Variants in DPYD observed in about 807,000 individuals in gnomAD.
DPYD encodes the protein dihydropyrimidine dehydrogenase.
A neutral mutation model predicts 116.2 loss-of-function variants in DPYD; 109 were observed. That is an observed-to-expected ratio of 0.94 (90% CI 0.80 to 1.10). The LOEUF (loss-of-function observed/expected upper bound fraction) is 1.10. Ranked by LOEUF, DPYD falls within the 50% of genes least tolerant of loss-of-function variation. The probability of loss-of-function intolerance (pLI) is 0.00; values close to 1 mark genes in which losing one functional copy is unlikely to be tolerated. For synonymous variants in DPYD, 440 were observed against 432.0 expected, an observed-to-expected ratio of 1.02 and a Z score of -0.23; for missense variants, 1,302 against 1,254.5, an observed-to-expected ratio of 1.04 and a Z score of -0.57.
At chr1:97,808,247 C>T (rs764135827) in intron 3 of DPYD, among the ~76,000 whole-genome samples, 1 of 152,146 alleles carries the variant, frequency 6.6e-6, no homozygotes, top group Non-Finnish European at 1.5e-5. Flanking sequence ...TCCAGAAACA[C>T]AAAAGATGTT....
intron 20 of DPYD, among the ~76,000 whole-genome samples, chr1:97,142,906 T>A (rs1654336321): frequency 6.6e-6 from 1 of 152,072 alleles, no homozygotes; most frequent in African/African-American, 2.4e-5. Context: ...TCAAAAGCTA[T>A]TGCTTTCATT....
intron 3 of DPYD, among the ~76,000 whole-genome samples, chr1:97,760,296 ATCTC>A (rs1407740143): frequency 1.3e-5 from 2 of 152,066 alleles, no homozygotes; most frequent in African/African-American, 2.4e-5. Context: ...CCATATTTGA[ATCTC>A]TCTCTCACAC....
At chr1:97,814,961 A>G (rs1339988374) in intron 3 of DPYD, among the ~76,000 whole-genome samples, 1 of 149,990 alleles carries the variant, frequency 6.7e-6, no homozygotes, top group African/African-American at 2.5e-5. Flanking sequence ...AAGAAAGGAG[A>G]GAAAGAAAGA....
At chr1:97,783,673 T>A (rs968093715) in intron 3 of DPYD, among the ~76,000 whole-genome samples, 1 of 152,182 alleles carries the variant, frequency 6.6e-6, no homozygotes, top group African/African-American at 2.4e-5. Flanking sequence ...TTACAAGGTG[T>A]GAGCCACCAC....
intron 1 of DPYD, among the ~76,000 whole-genome samples, chr1:97,903,301 T>C (rs1366439836): frequency 6.6e-6 from 1 of 151,946 alleles, no homozygotes; most frequent in Non-Finnish European, 1.5e-5. Flanking sequence ...TTTTACTGAA[T>C]ATAATACATA....
At chr1:97,351,477 A>G (rs1670140441) in intron 16 of DPYD, among the ~76,000 whole-genome samples, 1 of 152,150 alleles carries the variant, frequency 6.6e-6, no homozygotes, top group African/African-American at 2.4e-5. Context: ...GAAAAGAAAA[A>G]AATAAATCAT....
chr1:97,542,541 T>A (rs1650525410), intron 12 of DPYD, among the ~76,000 whole-genome samples: 1 of 152,176 alleles, frequency 6.6e-6, no homozygotes, highest in African/African-American at 2.4e-5. Flanking sequence ...AAATTTTGTT[T>A]CTTGTTGTTT....
intron 13 of DPYD, among the ~76,000 whole-genome samples, chr1:97,461,567 A>G (rs1214968163): frequency 6.6e-6 from 1 of 152,210 alleles, no homozygotes; most frequent in Admixed American, 6.5e-5. Context: ...CCAAGAATCT[A>G]TGAAACTATT....
chr1:97,785,947 C>T (rs555956083), intron 3 of DPYD, among the ~76,000 whole-genome samples: 149 of 151,462 alleles, frequency 9.8e-4, no homozygotes, highest in Non-Finnish European at 1.3e-4. Flanking sequence ...CCTGCCTCGG[C>T]CTCCCAAAGT....
chr1:97,560,491 C>G (rs745324086), intron 11 of DPYD, among the ~76,000 whole-genome samples: 3 of 150,700 alleles, frequency 2.0e-5, no homozygotes, highest in Admixed American at 6.6e-5. Flanking sequence ...CTATTCTTCC[C>G]AGGTGTTTCA....
chr1:97,170,124 G>T (rs974196431), intron 20 of DPYD, among the ~76,000 whole-genome samples: 8 of 152,138 alleles, frequency 5.3e-5, no homozygotes, highest in African/African-American at 1.9e-4. Context: ...CCCACATACA[G>T]ATCTAGAATA....
At chr1:97,898,350 C>G (rs977562129) in intron 1 of DPYD, among the ~76,000 whole-genome samples, 9 of 151,836 alleles carry the variant, frequency 5.9e-5, no homozygotes, top group African/African-American at 2.2e-4. Flanking sequence ...CAAACTCTAG[C>G]TTCCTTGGTC....
intron 20 of DPYD, among the ~76,000 whole-genome samples, chr1:97,150,054 A>G (rs1273779499): frequency 6.6e-6 from 1 of 152,138 alleles, no homozygotes; most frequent in East Asian, 1.9e-4. Context: ...CTTGTGCCAC[A>G]AAGGCCGTCC....
intron 12 of DPYD, among the ~76,000 whole-genome samples, chr1:97,543,742 T>C (rs1396202073): frequency 6.6e-6 from 1 of 152,208 alleles, no homozygotes; most frequent in Non-Finnish European, 1.5e-5. Context: ...TAAATGTATT[T>C]AAGATAAATG....
chr1:97,792,777 T>C (rs575848061), intron 3 of DPYD, among the ~76,000 whole-genome samples: 1 of 152,066 alleles, frequency 6.6e-6, no homozygotes, highest in Non-Finnish European at 1.5e-5. Context: ...ACTCTAATCA[T>C]GAGGAAAACA....
chr1:97,165,001 C>G (rs1015120937), intron 20 of DPYD, among the ~76,000 whole-genome samples: 1 of 151,962 alleles, frequency 6.6e-6, no homozygotes, highest in Non-Finnish European at 1.5e-5. Flanking sequence ...AGCCACTGCG[C>G]CCAGCCACAA....
At chr1:97,653,192 T>C (rs1658693807) in intron 8 of DPYD, among the ~76,000 whole-genome samples, 1 of 152,138 alleles carries the variant, frequency 6.6e-6, no homozygotes. Flanking sequence ...AGGACAAGTA[T>C]AGTGCATGGA....
rs567621523 is a variant in DPYD at position 97,376,885 on chromosome 1, G to A, written c.1975-3241C>T. ...AGAGTTTGTGTGTGTGTGTGTGTGTGTGTATATATATATATATGGTGTGGA... is the reference window on the plus strand; with the variant it reads ...AGAGTTTGTGTGTGTGTGTGTGTGTATGTATATATATATATATGGTGTGGA... On this transcript the variant is annotated intron_variant, in intron 15 of 22. Transcript: ENST00000370192. Among the ~76,000 whole-genome samples, 52 of 105,046 alleles carry A rather than the reference G, an allele frequency of 5.0e-4. No homozygotes were observed. The South Asian group carries it at 0.013, about 26-fold the overall frequency. 68.9% of individuals were successfully genotyped at this position (105,046 alleles called of 152,430 possible).
At position 97,664,400 on chromosome 1, in the gene DPYD, T is replaced by C. The variant is rs142912269; in HGVS notation, c.850+14695A>G. On this transcript the variant is annotated intron_variant, in intron 8 of 22. Transcript: ENST00000370192. ...AAACATATATATGTGTGTGTGTACATATATATGTATAGCTATGAGTTTAGT... is the reference window on the plus strand; with the variant it reads ...AAACATATATATGTGTGTGTGTACACATATATGTATAGCTATGAGTTTAGT... Among the ~76,000 whole-genome samples, 13 of 152,036 alleles carry C rather than the reference T, an allele frequency of 8.6e-5. No homozygotes were observed. The East Asian group carries it at 1.7e-3, about 20-fold the overall frequency.
Sources: allele counts gnomAD v4.1 joint callset (sites outside exome capture counted in the v4.1 genomes callset), GRCh38; gene constraint gnomAD v4.1.1; transcripts MANE v1.5; gene names NCBI Gene and HGNC (gene_info 2026-07-23, HGNC 2026-07-21).